RPS6KA2: variants seen among roughly 807,000 people sequenced by gnomAD.
RPS6KA2 encodes ribosomal protein S6 kinase A2.
In RPS6KA2, 42 loss-of-function variants were observed where a neutral mutation model predicts 91.8. The observed-to-expected ratio is 0.46, with a 90% CI of 0.36 to 0.59. The LOEUF is 0.59. Among genes scored for constraint, RPS6KA2 ranks in the 20% least tolerant of loss-of-function variants. The pLI is 0.00. For synonymous variants in RPS6KA2, 414 were observed against 393.6 expected, an observed-to-expected ratio of 1.05 and a Z score of -0.61; for missense variants, 798 against 978.5, an observed-to-expected ratio of 0.82 and a Z score of 2.46.
rs76067534 is a variant in RPS6KA2 at position 166,495,307 on chromosome 6, A to G, written c.747+3201T>C. On this transcript the variant is annotated intron_variant, in intron 8 of 20. Coordinates refer to ENST00000265678, the MANE Select transcript of RPS6KA2 (RefSeq NM_021135.6). The surrounding 1 kb of genome is among the most constrained non-coding windows in gnomAD (Gnocchi z 4.4). ...GCCCTGCCTCGGGCTCGAGAGTGACACAGCAGTTCTGGAGCCGGACCCCTT... is the reference window on the plus strand; with the variant it reads ...GCCCTGCCTCGGGCTCGAGAGTGACGCAGCAGTTCTGGAGCCGGACCCCTT... Among the ~76,000 whole-genome samples the G allele has an allele frequency of 6.6e-6, 1 of 152,050 alleles. No homozygotes were observed. The highest frequency in any genetic ancestry group is 1.5e-5 in the Non-Finnish European group (1 of 68,030).
At chr6:166,808,708 G>A (rs1056722916) in intron 2 of RPS6KA2, among the ~76,000 whole-genome samples, 1 of 152,176 alleles carries the variant, frequency 6.6e-6, no homozygotes, top group Admixed American at 6.5e-5. Context: ...AAGTATTTAA[G>A]TAAATAAAAA....
intron 8 of RPS6KA2, among the ~76,000 whole-genome samples, chr6:166,492,705 ATTTC>A (rs1351871244): frequency 7.1e-6 from 1 of 141,160 alleles, no homozygotes; most frequent in African/African-American, 2.6e-5. Flanking sequence ...TTGTTTGGTG[ATTTC>A]TTTTTCTTTT....
intron 1 of RPS6KA2, among the ~76,000 whole-genome samples, chr6:166,556,547 C>T (rs1784183295): frequency 6.6e-6 from 1 of 152,180 alleles, no homozygotes; most frequent in Non-Finnish European, 1.5e-5. Context: ...CCTGAGAAGA[C>T]AGCAGAATCC....
chr6:166,614,706 A>T (rs1786338176), intron 1 of RPS6KA2, among the ~76,000 whole-genome samples: 1 of 151,676 alleles, frequency 6.6e-6, no homozygotes, highest in South Asian at 2.1e-4. Flanking sequence ...CCCTCCGGTG[A>T]CTCCATGTCC....
intron 2 of RPS6KA2, among the ~76,000 whole-genome samples, chr6:166,854,871 T>C (rs1187814978): frequency 6.6e-6 from 1 of 152,190 alleles, no homozygotes; most frequent in Non-Finnish European, 1.5e-5. Flanking sequence ...GAAATTATTA[T>C]ATAAAAAAGA....
intron 2 of RPS6KA2, among the ~76,000 whole-genome samples, chr6:166,659,403 G>A (rs1318436593): frequency 6.6e-6 from 1 of 152,184 alleles, no homozygotes; most frequent in Non-Finnish European, 1.5e-5. Context: ...GGGAGAGGGG[G>A]CCATCCTCAG....
rs1263915647 is a variant in RPS6KA2 at position 166,554,764 on chromosome 6, G to A, written c.100-15980C>T. Among the ~76,000 whole-genome samples, 1 of 152,098 alleles carries A rather than the reference G, an allele frequency of 6.6e-6. No homozygotes were observed. Among genetic ancestry groups the A allele is most frequent in the Non-Finnish European group, 1.5e-5 (1 of 68,018 alleles). ...GTCTGACCTTCCATCCCTAGGAAAGGCCTACTTATGATGAGAATTCTGATG... is the reference window on the plus strand; with the variant it reads ...GTCTGACCTTCCATCCCTAGGAAAGACCTACTTATGATGAGAATTCTGATG... On this transcript the variant is annotated intron_variant, in intron 1 of 20. Coordinates refer to ENST00000265678, the MANE Select transcript of RPS6KA2 (RefSeq NM_021135.6). The surrounding 1 kb of genome is among the most constrained non-coding windows in gnomAD (Gnocchi z 4.3).
At chr6:166,743,883 C>T (rs73051172) in intron 2 of RPS6KA2, among the ~76,000 whole-genome samples, 20,811 of 148,238 alleles carry the variant, frequency 0.14, 1,762 homozygotes, top group Admixed American at 0.18. Context: ...AGGGCTTTGG[C>T]GGTGGTCAGT....
intron 3 of RPS6KA2, among the ~76,000 whole-genome samples, chr6:166,523,548 GTAAA>G (rs578144996): frequency 4.6e-5 from 7 of 152,118 alleles, no homozygotes; most frequent in South Asian, 2.1e-4. Flanking sequence ...TTCATCATTC[GTAAA>G]TAAAGATGAT....
At position 166,538,867 on chromosome 6, in the gene RPS6KA2, C is replaced by T. The variant is rs1783566117; in HGVS notation, c.100-83G>A. The stretch of plus-strand genomic sequence containing the variant: ...ACAGCTTCCTCCTCCCCTGAGTTTA[C>T]CACGAGCTGGGTCTGTTACAGATTT... On this transcript the variant is annotated intron_variant, in intron 1 of 20. Transcript: ENST00000265678. 7 of 704,626 alleles carry T rather than the reference C, an allele frequency of 9.9e-6. No homozygotes were observed. In the Admixed American group the frequency reaches 1.3e-4, roughly 13 times the overall value. 43.6% of individuals were successfully genotyped at this position (704,626 alleles called of 1,614,324 possible).
chr6:166,476,939 C>T (rs1740393200), intron 10 of RPS6KA2, among the ~76,000 whole-genome samples: 1 of 152,116 alleles, frequency 6.6e-6, no homozygotes, highest in Non-Finnish European at 1.5e-5. Context: ...CCTCTAACAG[C>T]CACCAATTCC....
At chr6:166,677,659 T>C (rs776761567) in intron 2 of RPS6KA2, among the ~76,000 whole-genome samples, 12 of 152,234 alleles carry the variant, frequency 7.9e-5, no homozygotes, top group Non-Finnish European at 1.3e-4. Context: ...GTATTAATGC[T>C]ATTCCATCTT....
chr6:166,643,683 G>A (rs1421301820), intron 2 of RPS6KA2, among the ~76,000 whole-genome samples: 60 of 152,150 alleles, frequency 3.9e-4, no homozygotes, highest in Non-Finnish European at 1.0e-4. Context: ...GGACGATGTG[G>A]TACCTGCCTT....
intron 2 of RPS6KA2, among the ~76,000 whole-genome samples, chr6:166,783,813 T>C (rs73035554): frequency 0.12 from 12,939 of 109,248 alleles, 1,945 homozygotes; most frequent in Middle Eastern, 0.22. Context: ...CACAGTTACC[T>C]GTAACCACAT....
intron 2 of RPS6KA2, among the ~76,000 whole-genome samples, chr6:166,706,963 G>A (rs182293641): frequency 9.3e-4 from 141 of 152,326 alleles, no homozygotes; most frequent in Non-Finnish European, 1.2e-3. Context: ...CAGATTTATT[G>A]GTGGAAGGGT....
At chr6:166,796,141 A>G (rs1779216329) in intron 2 of RPS6KA2, among the ~76,000 whole-genome samples, 1 of 152,204 alleles carries the variant, frequency 6.6e-6, no homozygotes, top group African/African-American at 2.4e-5. Context: ...CTCCTCGGGG[A>G]GACTTCTATT....
chr6:166,487,174 C>G (rs578170708), intron 10 of RPS6KA2, among the ~76,000 whole-genome samples: 8 of 152,326 alleles, frequency 5.3e-5, no homozygotes, highest in South Asian at 2.1e-4. Context: ...AGGGTGCATA[C>G]ATTTAACATT....
rs540493676 is a variant in RPS6KA2 at position 166,796,537 on chromosome 6, A to G, written c.123+61663T>C. ...CTGGGAGGTGGAGGTTGCAGTGAGC[A>G]GCGATGGTGCCACTGCACTCCAGTC... On this transcript the variant is annotated intron_variant, in intron 2 of 21. Transcript: ENST00000503859. Among the ~76,000 whole-genome samples the G allele has an allele frequency of 2.7e-5, 4 of 148,920 alleles. No individual in the cohort carries two copies. In the South Asian group the frequency reaches 9.0e-4, roughly 33 times the overall value.
intron 2 of RPS6KA2, among the ~76,000 whole-genome samples, chr6:166,535,946 C>A (rs945350299): frequency 6.6e-6 from 1 of 152,258 alleles, no homozygotes; most frequent in Non-Finnish European, 1.5e-5. Context: ...CTTATTCCGG[C>A]TGACCAGGTG....
Sources: allele counts gnomAD v4.1 joint callset (sites outside exome capture counted in the v4.1 genomes callset), GRCh38; gene constraint gnomAD v4.1.1; non-coding constraint Gnocchi (gnomAD v3.1); transcripts MANE v1.5; gene names NCBI Gene and HGNC (gene_info 2026-07-23, HGNC 2026-07-21).